Variants in C3orf20 observed in about 807,000 individuals in gnomAD.
C3orf20 encodes family with sequence similarity 149 member C, also known as uncharacterized protein C3orf20.
C3orf20 carries 76 observed loss-of-function variants against 88.3 expected under a neutral mutation model. That is an observed-to-expected ratio of 0.86 (90% CI 0.72 to 1.04). The LOEUF (loss-of-function observed/expected upper bound fraction) is 1.04. C3orf20 is among the 50% of genes least tolerant of loss of function. The pLI, the probability that C3orf20 is intolerant of heterozygous loss-of-function variation, is 0.00. For missense variants in C3orf20, 1,056 were observed against 1,123.3 expected (o/e 0.94, Z 0.86); for synonymous variants, 436 against 437.4 (o/e 1.00, Z 0.04).
At chr3:14,712,164 GCA>G (rs1366747824) in intron 7 of C3orf20, among the ~76,000 whole-genome samples, 9 of 103,036 alleles carry the variant, frequency 8.7e-5, no homozygotes, top group South Asian at 3.7e-4. Flanking sequence ...ACACACACAC[GCA>G]CACACACGCG....
chr3:14,728,323 C>A (rs182827311), intron 11 of C3orf20, 116 bp from the exon 12 acceptor site: 2 of 1,228,094 alleles, frequency 1.6e-6, no homozygotes, highest in Non-Finnish European at 1.2e-6. Flanking sequence ...TCAATGAGAG[C>A]GGAGGGGAGG....
chr3:14,706,540 A>G (rs1431354014), intron 7 of C3orf20, among the ~76,000 whole-genome samples: 1 of 69,378 alleles, frequency 1.4e-5, no homozygotes, highest in African/African-American at 5.9e-5. Flanking sequence ...GCACCCTCCC[A>G]CCCCCCACCC....
chr3:14,692,512 T>C (rs1431522427), intron 5 of C3orf20, among the ~76,000 whole-genome samples: 9 of 152,202 alleles, frequency 5.9e-5, no homozygotes, highest in Non-Finnish European at 1.2e-4. Flanking sequence ...TTGGGCACCT[T>C]TTCATATACC....
intron 5 of C3orf20, 41 bp from the exon 6 acceptor site, chr3:14,703,089 G>C (rs770331813): frequency 1.5e-5 from 24 of 1,608,470 alleles, no homozygotes; most frequent in Non-Finnish European, 2.0e-5. Context: ...GGGTTCCCAT[G>C]GTCTTGGGCA....
At position 14,729,517 on chromosome 3, in the gene C3orf20, C is replaced by T. The variant is rs573373621; in HGVS notation, c.1940+829C>T. Among the ~76,000 whole-genome samples the T allele has an allele frequency of 8.5e-4, 129 of 152,250 alleles. 1 individual carries two copies. The highest frequency in any genetic ancestry group is 2.9e-3 in the African/African-American group (122 of 41,538). On this transcript the variant is annotated intron_variant, in intron 12 of 16. Coordinates refer to ENST00000253697, the MANE Select transcript of C3orf20 (RefSeq NM_032137.5). ...GTAGCCTTGATAGTGTTATGGAAGG[C>T]CATTCCATAAGGAAGTGACATCATC...
chr3:14,677,258 T>A (rs1695691950), intron 1 of C3orf20, among the ~76,000 whole-genome samples: 1 of 152,206 alleles, frequency 6.6e-6, no homozygotes, highest in Admixed American at 6.5e-5. Context: ...AAAAAATGTG[T>A]TCTGAATCAG....
At chr3:14,744,953 T>C (rs985054386) in intron 12 of C3orf20, among the ~76,000 whole-genome samples, 2 of 152,218 alleles carry the variant, frequency 1.3e-5, no homozygotes, top group Non-Finnish European at 2.9e-5. Context: ...CTGTGTACTC[T>C]CCATGTTCCT....
At chr3:14,764,693 T>G (rs914437641) in intron 15 of C3orf20, among the ~76,000 whole-genome samples, 2 of 152,182 alleles carry the variant, frequency 1.3e-5, no homozygotes, top group Non-Finnish European at 2.9e-5. Context: ...CAGTGTGGAC[T>G]GTCAGCCAGA....
At chr3:14,709,512 A>G (rs1372661823) in intron 7 of C3orf20, among the ~76,000 whole-genome samples, 2 of 152,140 alleles carry the variant, frequency 1.3e-5, no homozygotes, top group African/African-American at 2.4e-5. Flanking sequence ...TTTTTCATAT[A>G]TGGCTCTTAA....
At chr3:14,731,209 C>T (rs2034531789) in intron 12 of C3orf20, among the ~76,000 whole-genome samples, 1 of 152,164 alleles carries the variant, frequency 6.6e-6, no homozygotes, top group African/African-American at 2.4e-5. Flanking sequence ...TTTGCATTTT[C>T]CAGAACATCA....
chr3:14,721,823 G>A, intron 10 of C3orf20, 39 bp downstream of exon 10: 1 of 1,610,400 alleles, frequency 6.2e-7, no homozygotes, highest in Non-Finnish European at 8.5e-7. Context: ...CCTGACCCCT[G>A]GGCATCTCAA....
chr3:14,745,597 T>C (rs1045102012), intron 12 of C3orf20, among the ~76,000 whole-genome samples: 5 of 152,244 alleles, frequency 3.3e-5, no homozygotes, highest in Admixed American at 6.5e-5. Context: ...ACATTTGTGA[T>C]ATCACATTTG....
rs2033425051 is a variant in C3orf20 at position 14,704,662 on chromosome 3, C to T, written c.1160+44C>T. On this transcript the variant is annotated intron_variant, in intron 7 of 16. Coordinates refer to ENST00000253697, the MANE Select transcript of C3orf20 (RefSeq NM_032137.5). ...CCACCCTATCTCCCCAGCTACTCAA[C>T]CCCAGAGAAGTCCAGGACTTGATAC... is the stretch of plus-strand genomic sequence containing the variant. 2.5e-6 allele frequency: 4 copies of T among 1,596,620 alleles called. No individual in the cohort carries two copies. In the African/African-American group the frequency reaches 4.0e-5, roughly 16 times the overall value.
At position 14,772,316 on chromosome 3, in the gene C3orf20, T is replaced by C. The variant is rs2035883080; in HGVS notation, c.2630+115T>C. ...GCGTGGCCTGGGTCATGTCCAACCA[T>C]CGCTGACATCTAGCCCATGTAATCA... On this transcript the variant is annotated intron_variant, in intron 16 of 16. Transcript: ENST00000253697. This position sits in a 1 kb window ranked among gnomAD's most constrained non-coding sequence, Gnocchi z 4.2. 7.6e-7 allele frequency: 1 copy of C among 1,313,980 alleles called. No homozygotes were observed. The highest frequency in any genetic ancestry group is 1.1e-6 in the Non-Finnish European group (1 of 934,642). The allele number at this position is 1,313,980 out of a possible 1,614,324, so 81.4% of individuals were successfully genotyped here.
intron 12 of C3orf20, among the ~76,000 whole-genome samples, chr3:14,745,639 A>T (rs562094111): frequency 1.1e-4 from 16 of 152,350 alleles, no homozygotes; most frequent in African/African-American, 3.8e-4. Flanking sequence ...ATTCCTAAAG[A>T]TGAAATTATT....
Position 14,768,284 on chromosome 3 carries a change from G to A in C3orf20, c.2496-3783G>A, listed in dbSNP as rs2035771483. ...CCAAGACCCCTCCAAGGATGGAGCT[G>A]TGGAGAGCAGGCCCCGTGCTCAGCA... On this transcript the variant is annotated intron_variant, in intron 15 of 16. Coordinates refer to ENST00000253697, the MANE Select transcript of C3orf20 (RefSeq NM_032137.5). The surrounding 1 kb of genome is among the most constrained non-coding windows in gnomAD (Gnocchi z 4.1). Among the ~76,000 whole-genome samples the A allele has an allele frequency of 6.6e-6, 1 of 152,002 alleles. No individual in the cohort carries two copies. Among genetic ancestry groups the A allele is most frequent in the African/African-American group, 2.4e-5 (1 of 41,312 alleles).
rs139770669 is a variant in C3orf20 at position 14,713,739 on chromosome 3, G to C, written c.1161-268G>C. Among the ~76,000 whole-genome samples, 801 of 152,290 alleles carry C rather than the reference G, an allele frequency of 5.3e-3. 4 individuals carry two copies. Among genetic ancestry groups the C allele is most frequent in the African/African-American group, 0.018 (754 of 41,566 alleles). ...GTCTCAGGAAACCCATTAGACCCAG[G>C]GGGACCCTACTCATCTGTGAGAGGA... On this transcript the variant is annotated intron_variant, in intron 7 of 16. Transcript: ENST00000253697.
chr3:14,756,228 A>G (rs956488674), intron 12 of C3orf20, among the ~76,000 whole-genome samples: 4 of 151,464 alleles, frequency 2.6e-5, no homozygotes, highest in Non-Finnish European at 5.9e-5. Flanking sequence ...CGATAAAGGT[A>G]GAATCATAGC....
Position 14,704,360 on chromosome 3 carries a change from A to G in C3orf20, c.902A>G (p.Lys301Arg). 1 of 1,614,090 alleles carries G rather than the reference A, an allele frequency of 6.2e-7. No homozygotes were observed. The highest frequency in any genetic ancestry group is 1.1e-5 in the South Asian group (1 of 91,078). Residue 301 changes from lysine (K) to arginine (R), a missense_variant, in exon 7 of 17, where the codon AAA (lysine) becomes AGA (arginine). Transcript: ENST00000253697. ...RHIEAERATW[K>R]GRNISYPMIL... is the part of the protein sequence containing the mutation. The stretch of plus-strand genomic sequence containing the variant: ...AGAGAAGCTGAAAGGGCCACATGGA[A>G]AGGGAGGAATATCTCCTACCCCATG...
Sources: gnomAD v4.1 joint callset for allele counts (sites outside exome capture counted in the v4.1 genomes callset) on GRCh38, gnomAD v4.1.1 for gene constraint, Gnocchi (gnomAD v3.1) non-coding constraint, MANE v1.5 for transcripts, NCBI Gene and HGNC (gene_info 2026-07-23, HGNC 2026-07-21) for gene names.